CEP43: variants seen among roughly 807,000 people sequenced by gnomAD.
CEP43 encodes FGFR1 oncogene partner.
A neutral mutation model predicts 52.6 loss-of-function variants in CEP43; 36 were observed. The ratio of observed to expected loss-of-function variants is 0.68; its 90% CI spans 0.52 to 0.90. CEP43 has a LOEUF of 0.90. Among genes scored for constraint, CEP43 ranks in the 40% least tolerant of loss-of-function variants. The pLI is 0.00. For missense variants in CEP43, 506 were observed against 472.8 expected, an observed-to-expected ratio of 1.07 and a Z score of -0.65; for synonymous variants, 192 against 172.4, an observed-to-expected ratio of 1.11 and a Z score of -0.89.
intron 10 of CEP43, 89 bp downstream of exon 10, chr6:167,026,704 G>A (rs1468643734): frequency 1.2e-5 from 9 of 758,970 alleles, no homozygotes; most frequent in Admixed American, 4.3e-5. Context: ...GTCTGCCTAC[G>A]CTGAGCACCT....
At chr6:167,031,718 A>G (rs1377516778) in intron 10 of CEP43, among the ~76,000 whole-genome samples, 1 of 152,166 alleles carries the variant, frequency 6.6e-6, no homozygotes, top group African/African-American at 2.4e-5. Context: ...GGTCTTTCAT[A>G]GGCCATCCAT....
rs1490306628 is a variant in CEP43, at chr6:167,051,590, TGC to T, written c.*11613_*11614del. The T allele has an allele frequency of 6.6e-6, 1 of 152,260 alleles. No homozygotes were observed. The highest frequency in any genetic ancestry group is 2.4e-5 in the African/African-American group (1 of 41,482). The allele number at this position is 152,260 out of a possible 1,614,324, so 9.4% of individuals were successfully genotyped here. ...TTATTCCTTTAGTTCTGTCATGTTC[TGC>T]TTCTTATATTTTGGAACTCTGTTGT... On this transcript the variant is annotated 3_prime_UTR_variant, in exon 13 of 13. Coordinates refer to ENST00000366847, the MANE Select transcript of CEP43 (RefSeq NM_007045.4).
chr6:167,033,995 A>G (rs1234917522), intron 12 of CEP43, 24 bp downstream of exon 12: 4 of 1,170,554 alleles, frequency 3.4e-6, no homozygotes, highest in Admixed American at 2.3e-5. Flanking sequence ...CATTTCCCAT[A>G]GAGTGCTTTT....
In CEP43 at chr6:167,010,872, T is replaced by C; in HGVS notation, c.498T>C (p.Ser166=). 6.3e-7 allele frequency: 1 copy of C among 1,599,066 alleles called. No homozygotes were observed. Among genetic ancestry groups the C allele is most frequent in the Non-Finnish European group, 8.5e-7 (1 of 1,172,692 alleles). The change falls in exon 6 of 13, where the codon AGT becomes AGC. Residue 166 remains serine (S), a synonymous_variant. Transcript: ENST00000366847. ...SPPKSPEGKT[S]AQTTPSKIPR... The stretch of plus-strand genomic sequence containing the variant: ...CAAAGTCACCAGAGGGAAAAACAAG[T>C]GCACAGACAACACCAAGTAAGGTGA...
chr6:167,027,249 A>G (rs1054727471), intron 10 of CEP43, among the ~76,000 whole-genome samples: 3 of 152,328 alleles, frequency 2.0e-5, no homozygotes, highest in Non-Finnish European at 2.9e-5. Flanking sequence ...AAGAGTGTCG[A>G]TGTGAACATT....
At position 167,010,071 on chromosome 6, in the gene CEP43, G is replaced by A. The variant is rs186866389; in HGVS notation, c.439-742G>A. Among the ~76,000 whole-genome samples the A allele has an allele frequency of 2.8e-3, 428 of 152,272 alleles. 3 individuals are homozygous for A. Among genetic ancestry groups the A allele is most frequent in the African/African-American group, 9.7e-3 (405 of 41,566 alleles). On this transcript the variant is annotated intron_variant, in intron 5 of 12. Transcript: ENST00000366847. ...AAGTTATGAAGAACAGCACATTTTCGTATTTAAAAAGTTACAGTCAGTCAT... is the reference window on the plus strand; with the variant it reads ...AAGTTATGAAGAACAGCACATTTTCATATTTAAAAAGTTACAGTCAGTCAT...
At chr6:167,033,848 T>A in intron 11 of CEP43, 27 bp from the exon 12 acceptor site, 1 of 1,138,194 alleles carries the variant, frequency 8.8e-7, no homozygotes, top group Non-Finnish European at 1.3e-6. Context: ...TCAGAGTTCT[T>A]ATTTTTTTTT....
In CEP43 at chr6:167,044,787, C is replaced by T. The variant is rs77663419; in HGVS notation, c.*4809C>T. On this transcript the variant is annotated 3_prime_UTR_variant, in exon 13 of 13. Coordinates refer to ENST00000366847, the MANE Select transcript of CEP43 (RefSeq NM_007045.4). ...GGGGCCGGGCTCCCAACTCCTGCCC[C>T]GCTTCTAGCACATGCTGTGCTTGGC... is the stretch of plus-strand genomic sequence containing the variant. 864 of 153,748 alleles carry T rather than the reference C, an allele frequency of 5.6e-3. 8 individuals carry two copies. Among genetic ancestry groups the T allele is most frequent in the African/African-American group, 0.02 (833 of 41,610 alleles). The allele number at this position is 153,748 out of a possible 1,614,324, so 9.5% of individuals were successfully genotyped here. A position where few individuals can be genotyped will look rare whatever the true frequency, so the allele number is the denominator to read the frequency against.
rs1237054813 is a variant in CEP43 at position 167,042,155 on chromosome 6, T to TA, written c.*2180dup. The TA allele has an allele frequency of 2.0e-6, 2 of 1,008,698 alleles. No homozygotes were observed. The highest frequency in any genetic ancestry group is 1.7e-5 in the African/African-American group (1 of 57,938). The allele number at this position is 1,008,698 out of a possible 1,614,324, so 62.5% of individuals were successfully genotyped here. ...TTTTATTGAATGATTTTGAATGACTTAAAGTTCAACTATGAAAAAGCTTTC... is the reference window on the plus strand; with the variant it reads ...TTTTATTGAATGATTTTGAATGACTTAAAAGTTCAACTATGAAAAAGCTTTC... On this transcript the variant is annotated 3_prime_UTR_variant, in exon 13 of 13. Transcript: ENST00000366847.
chr6:167,014,210 T>C (rs1780045179), intron 7 of CEP43, among the ~76,000 whole-genome samples: 1 of 152,252 alleles, frequency 6.6e-6, no homozygotes, highest in Non-Finnish European at 1.5e-5. Context: ...AAACTATTTT[T>C]TTGAATACGT....
rs1780779555 is a variant in CEP43 at position 167,045,427 on chromosome 6, A to C, written c.*5449A>C. ...CATGAGCCACTGTACCCAGCCCTGT[A>C]TTTTCTTTAAAAACCAATTTTGGGC... On this transcript the variant is annotated 3_prime_UTR_variant, in exon 13 of 13. Transcript: ENST00000366847. The C allele has an allele frequency of 6.8e-6, 1 of 147,184 alleles. No individual in the cohort carries two copies. The highest frequency in any genetic ancestry group is 2.5e-5 in the African/African-American group (1 of 40,414). The allele number at this position is 147,184 out of a possible 1,614,324, so 9.1% of individuals were successfully genotyped here.
intron 4 of CEP43, 25 bp from the exon 5 acceptor site, chr6:167,004,239 A>C: frequency 6.3e-7 from 1 of 1,579,734 alleles, no homozygotes. Flanking sequence ...TTTTTTGTGC[A>C]CTTGTATTTT....
intron 2 of CEP43, among the ~76,000 whole-genome samples, chr6:167,001,122 C>A (rs1419547838): frequency 6.6e-6 from 1 of 152,200 alleles, no homozygotes; most frequent in Middle Eastern, 3.2e-3. Flanking sequence ...GCCATTAGAT[C>A]CTAACTTTAT....
chr6:167,016,568 T>C (rs1780104192), intron 7 of CEP43, among the ~76,000 whole-genome samples: 1 of 152,090 alleles, frequency 6.6e-6, no homozygotes, highest in African/African-American at 2.4e-5. Context: ...GGCCCAGTTT[T>C]CAGGTATTTT....
At chr6:167,010,783 G>A (rs774243387) in intron 5 of CEP43, 30 bp from the exon 6 acceptor site, 7 of 1,161,794 alleles carry the variant, frequency 6.0e-6, no homozygotes, top group African/African-American at 1.6e-5. Context: ...ATTTTTAAAT[G>A]TATTTTAATT....
intron 7 of CEP43, 108 bp from the exon 8 acceptor site, chr6:167,022,301 T>G: frequency 1.6e-6 from 1 of 633,530 alleles, no homozygotes. Flanking sequence ...CACACAAAGG[T>G]TGCACACACA....
At chr6:167,020,351 A>G (rs1286793011) in intron 7 of CEP43, among the ~76,000 whole-genome samples, 1 of 152,216 alleles carries the variant, frequency 6.6e-6, no homozygotes, top group Non-Finnish European at 1.5e-5. Context: ...CAAGACCTCT[A>G]CCTGGTGTAA....
chr6:167,006,230 G>T (rs756361617), intron 5 of CEP43, among the ~76,000 whole-genome samples: 2 of 152,172 alleles, frequency 1.3e-5, no homozygotes, highest in African/African-American at 2.4e-5. Flanking sequence ...GAAAATATTC[G>T]GATAGGCTGA....
chr6:167,049,245 A>G lies in CEP43; in HGVS notation c.*9267A>G, dbSNP rs966857213. ...GGTAATTTTATATACTTTTGTATTC[A>G]CTTTCGAAAAGAAGGCAACTCTAAA... is the stretch of plus-strand genomic sequence containing the variant. On this transcript the variant is annotated 3_prime_UTR_variant, in exon 13 of 13. Transcript: ENST00000366847. 5 of 152,180 alleles carry G rather than the reference A, an allele frequency of 3.3e-5. No homozygotes were observed. The highest frequency in any genetic ancestry group is 1.2e-4 in the African/African-American group (5 of 41,448). 9.4% of individuals were successfully genotyped at this position (152,180 alleles called of 1,614,324 possible).
Sources: gnomAD v4.1 joint callset for allele counts (sites outside exome capture counted in the v4.1 genomes callset) on GRCh38, gnomAD v4.1.1 for gene constraint, MANE v1.5 for transcripts, NCBI Gene and HGNC (gene_info 2026-07-23, HGNC 2026-07-21) for gene names.